The following ATRNL1 variants were observed in gnomAD, a reference collection of about 807,000 sequenced individuals.
The protein encoded by ATRNL1 is attractin-like protein 1.
ATRNL1 carries 95 observed loss-of-function variants against 182.7 expected under a neutral mutation model. The observed-to-expected ratio is 0.52, with a 90% CI of 0.44 to 0.62. The LOEUF is 0.62. Among genes scored for constraint, ATRNL1 ranks in the 20% least tolerant of loss-of-function variants. ATRNL1 has a pLI of 0.00. For missense variants in ATRNL1, 1,471 were observed against 1,679.5 expected (o/e 0.88, Z 2.17); for synonymous variants, 576 against 568.3 (o/e 1.01, Z -0.19).
At chr10:115,644,188 A>T (rs977723172) in intron 26 of ATRNL1, among the ~76,000 whole-genome samples, 40 of 152,190 alleles carry the variant, frequency 2.6e-4, no homozygotes, top group Non-Finnish European at 4.9e-4. Context: ...GCATTATGCC[A>T]AACAAAAGAA....
At chr10:115,108,855 A>C (rs1439261263) in intron 1 of ATRNL1, among the ~76,000 whole-genome samples, 1 of 152,112 alleles carries the variant, frequency 6.6e-6, no homozygotes, top group Non-Finnish European at 1.5e-5. Flanking sequence ...AACTCCCATT[A>C]TACTAGCTTA....
At chr10:115,198,610 G>A (rs1262877802) in intron 8 of ATRNL1, among the ~76,000 whole-genome samples, 1 of 151,904 alleles carries the variant, frequency 6.6e-6, no homozygotes, top group Non-Finnish European at 1.5e-5. Context: ...TCTCGACTAT[G>A]TTTTTTTCTA....
At chr10:115,341,710 A>G (rs546950149) in intron 19 of ATRNL1, among the ~76,000 whole-genome samples, 46 of 152,240 alleles carry the variant, frequency 3.0e-4, no homozygotes, top group African/African-American at 1.1e-3. Context: ...GGGTGTATAC[A>G]TATGTTTAAA....
chr10:115,642,076 T>C (rs1859286762), intron 26 of ATRNL1, among the ~76,000 whole-genome samples: 1 of 152,122 alleles, frequency 6.6e-6, no homozygotes, highest in South Asian at 2.1e-4. Context: ...TTTAGTATTA[T>C]AATGTTACTA....
intron 5 of ATRNL1, among the ~76,000 whole-genome samples, chr10:115,152,942 G>T (rs542703473): frequency 6.6e-6 from 1 of 151,904 alleles, no homozygotes; most frequent in Admixed American, 6.6e-5. Flanking sequence ...GTTGAATTTT[G>T]TCAAAGGCCT....
In ATRNL1 at chr10:115,271,773, G is replaced by A. The variant is rs567764871; in HGVS notation, c.2100+3329G>A. ...CTTGAAGGGTCATTCTTCATTAGTA[G>A]TCCTGCTTGAATTGGATTGTTGTAG... On this transcript the variant is annotated intron_variant, in intron 13 of 28. Coordinates refer to ENST00000355044, the MANE Select transcript of ATRNL1 (RefSeq NM_207303.4). Among the ~76,000 whole-genome samples, 383 of 152,198 alleles carry A rather than the reference G, an allele frequency of 2.5e-3. 1 individual carries two copies. The highest frequency in any genetic ancestry group is 6.0e-3 in the South Asian group (29 of 4,824).
chr10:115,448,854 CCAACAACAA>C (rs3981286), intron 21 of ATRNL1, among the ~76,000 whole-genome samples: 44 of 150,212 alleles, frequency 2.9e-4, no homozygotes, highest in South Asian at 2.1e-3. Context: ...AGCGTGCCAA[CCAACAACAA>C]CAACAACAAC....
At chr10:115,369,163 A>C (rs1358336042) in intron 19 of ATRNL1, among the ~76,000 whole-genome samples, 1 of 151,792 alleles carries the variant, frequency 6.6e-6, no homozygotes, top group Non-Finnish European at 1.5e-5. Flanking sequence ...AAGGCTGAAT[A>C]ATATTTCATT....
intron 24 of ATRNL1, among the ~76,000 whole-genome samples, chr10:115,499,921 T>G (rs1849735548): frequency 6.6e-6 from 1 of 152,178 alleles, no homozygotes; most frequent in African/African-American, 2.4e-5. Flanking sequence ...GAGAAAGCAT[T>G]TCAGAAGAAA....
At chr10:115,279,973 A>G (rs1554916285) in intron 13 of ATRNL1, among the ~76,000 whole-genome samples, 1 of 152,190 alleles carries the variant, frequency 6.6e-6, no homozygotes, top group Admixed American at 6.5e-5. Flanking sequence ...GTAGAGAAGC[A>G]CTAGTAATAT....
intron 26 of ATRNL1, among the ~76,000 whole-genome samples, chr10:115,724,747 A>T (rs1426393540): frequency 6.6e-6 from 1 of 152,176 alleles, no homozygotes; most frequent in Admixed American, 6.6e-5. Context: ...TTAAGCTCAA[A>T]CAGCTAAAAA....
chr10:115,334,319 T>C lies in ATRNL1; in HGVS notation c.3075T>C (p.Asn1025=), dbSNP rs781868200. 2 of 1,591,932 alleles carry C rather than the reference T, an allele frequency of 1.3e-6. No individual in the cohort carries two copies. The highest frequency in any genetic ancestry group is 1.3e-5 in the African/African-American group (1 of 74,760). ...ATGGACATAGCACTTGCATCAATAATAATGTGTGCGAACAGTGTAAAAATC... is the reference window on the plus strand; with the variant it reads ...ATGGACATAGCACTTGCATCAATAACAATGTGTGCGAACAGTGTAAAAATC... ...QCNGHSTCIN[N]NVCEQCKNLT... is the part of the protein sequence containing the mutation. The change falls in exon 19 of 29, where the codon AAT becomes AAC. Residue 1025 remains asparagine, a synonymous_variant. Transcript: ENST00000355044.
chr10:115,830,999 T>A lies in ATRNL1; in HGVS notation c.3904-16878T>A, dbSNP rs1589572456. 2.6e-5 allele frequency among the ~76,000 whole-genome samples: 4 copies of A among 152,170 alleles called. No homozygotes were observed. The East Asian group carries it at 7.7e-4, about 29-fold the overall frequency. On this transcript the variant is annotated intron_variant, in intron 27 of 28. Coordinates refer to ENST00000355044, the MANE Select transcript of ATRNL1 (RefSeq NM_207303.4). Reference sequence around the variant, plus strand: ...CTGTGAGCACCAGTCCTTAGCCACATACATTCTCTTGTATTCTGCTCCCTT... The same window carrying A: ...CTGTGAGCACCAGTCCTTAGCCACAAACATTCTCTTGTATTCTGCTCCCTT...
intron 27 of ATRNL1, among the ~76,000 whole-genome samples, chr10:115,766,632 A>G (rs1555075115): frequency 2.0e-5 from 3 of 152,202 alleles, no homozygotes; most frequent in Non-Finnish European, 2.9e-5. Flanking sequence ...CATTGTAATG[A>G]TGAAGGTAAG....
intron 8 of ATRNL1, among the ~76,000 whole-genome samples, chr10:115,172,053 T>A (rs1422099250): frequency 1.3e-5 from 2 of 151,972 alleles, no homozygotes; most frequent in Non-Finnish European, 2.9e-5. Flanking sequence ...CTATTTAGAG[T>A]CCTTGTGCAG....
At chr10:115,431,405 A>C (rs1218800735) in intron 21 of ATRNL1, among the ~76,000 whole-genome samples, 1 of 150,382 alleles carries the variant, frequency 6.6e-6, no homozygotes, top group Non-Finnish European at 1.5e-5. Flanking sequence ...TGAAACTAAA[A>C]AAAAAAAAAA....
intron 10 of ATRNL1, among the ~76,000 whole-genome samples, chr10:115,248,717 A>G (rs1243059099): frequency 2.0e-5 from 3 of 152,110 alleles, no homozygotes; most frequent in Admixed American, 1.3e-4. Flanking sequence ...GAGTTAACCT[A>G]GAGTAAATTG....
chr10:115,872,806 A>G (rs1442984839), intron 28 of ATRNL1, among the ~76,000 whole-genome samples: 2 of 152,214 alleles, frequency 1.3e-5, no homozygotes, highest in Non-Finnish European at 1.5e-5. Flanking sequence ...CAGTTTGCCA[A>G]TTTTTCTAGC....
chr10:115,631,044 A>G (rs945305927), intron 26 of ATRNL1, among the ~76,000 whole-genome samples: 2 of 151,668 alleles, frequency 1.3e-5, no homozygotes, highest in Non-Finnish European at 2.9e-5. Context: ...AAGTAGGACT[A>G]TGCTTACCAG....
Sources: gnomAD v4.1 joint callset for allele counts (sites outside exome capture counted in the v4.1 genomes callset) on GRCh38, gnomAD v4.1.1 for gene constraint, MANE v1.5 for transcripts, NCBI Gene and HGNC (gene_info 2026-07-23, HGNC 2026-07-21) for gene names.